CCDC90B: variants seen among roughly 807,000 people sequenced by gnomAD.
CCDC90B encodes coiled-coil domain-containing protein 90B, mitochondrial.
In CCDC90B, 24 loss-of-function variants were observed where a neutral mutation model predicts 37.0. The ratio of observed to expected loss-of-function variants is 0.65; its 90% CI spans 0.47 to 0.91. The LOEUF (loss-of-function observed/expected upper bound fraction) is 0.91, where lower values mean the gene tolerates loss of function less well. CCDC90B is among the 40% of genes least tolerant of loss of function. The pLI is 0.00. For synonymous variants in CCDC90B, 113 were observed against 101.1 expected (o/e 1.12, Z -0.71); for missense variants, 319 against 299.0 (o/e 1.07, Z -0.49).
chr11:83,283,508 A>G lies in CCDC90B; in HGVS notation c.100+2365T>C, dbSNP rs188050569. On this transcript the variant is annotated intron_variant, in intron 1 of 8. Coordinates refer to ENST00000529689, the MANE Select transcript of CCDC90B (RefSeq NM_021825.5). ...TATTTTGCTTAGTCCTCCCAATCCT[A>G]TGAGGTAGGTATTGACACCCACTGG... is the stretch of plus-strand genomic sequence containing the variant. Among the ~76,000 whole-genome samples, 364 of 152,292 alleles carry G rather than the reference A, an allele frequency of 2.4e-3. 6 individuals are homozygous for G. Among genetic ancestry groups the G allele is most frequent in the East Asian group, 1.2e-3 (6 of 5,192 alleles).
rs190519698 is a variant in CCDC90B, at chr11:83,286,266, C to T, written c.-294G>A. On this transcript the variant is annotated 5_prime_UTR_variant, in exon 1 of 9. Transcript: ENST00000529689. ...AGCGAGATCTTGTCAGAGAACCTTC[C>T]GGCGCCTGTTTCCTGGCAGTGGGGC... The T allele has an allele frequency of 9.0e-3, 12,504 of 1,394,328 alleles. 96 individuals are homozygous for T. The highest frequency in any genetic ancestry group is 0.01 in the Non-Finnish European group (10,567 of 1,030,854). The allele number at this position is 1,394,328 out of a possible 1,614,324, so 86.4% of individuals were successfully genotyped here.
chr11:83,278,854 A>AT lies in CCDC90B; in HGVS notation c.221-26dup, dbSNP rs554455408. On this transcript the variant is annotated intron_variant, in intron 2 of 8. Coordinates refer to ENST00000529689, the MANE Select transcript of CCDC90B (RefSeq NM_021825.5). ...CCTGTAGGCAGCAAATAGGTATTTTATTTTTTTTAAAGTGTATATCCTTAT... is the reference window on the plus strand; with the variant it reads ...CCTGTAGGCAGCAAATAGGTATTTTATTTTTTTTTAAAGTGTATATCCTTAT... 6.1e-4 allele frequency: 880 copies of AT among 1,441,842 alleles called. 5 individuals are homozygous for AT. In the African/African-American group the frequency reaches 9.0e-3, roughly 15 times the overall value. The allele number at this position is 1,441,842 out of a possible 1,614,324, so 89.3% of individuals were successfully genotyped here.
Position 83,260,091 on chromosome 11 carries a change from G to A in CCDC90B, c.*1820C>T, listed in dbSNP as rs550254826. On this transcript the variant is annotated 3_prime_UTR_variant, in exon 9 of 9. Transcript: ENST00000529689. Reference sequence around the variant, plus strand: ...TGGGCAAGTCACTTTACCTAGGGCAGAGTGGATAAGGGGATGAAGAGTGAC... The same window carrying A: ...TGGGCAAGTCACTTTACCTAGGGCAAAGTGGATAAGGGGATGAAGAGTGAC... 5.2e-5 allele frequency: 8 copies of A among 152,384 alleles called. 1 individual carries two copies. The highest frequency in any genetic ancestry group is 1.7e-4 in the African/African-American group (7 of 41,588). The allele number at this position is 152,384 out of a possible 1,614,324, so 9.4% of individuals were successfully genotyped here. A position where few individuals can be genotyped will look rare whatever the true frequency, so the allele number is the denominator to read the frequency against.
At chr11:83,264,325 A>ATTT (rs1864114447) in intron 8 of CCDC90B, among the ~76,000 whole-genome samples, 1 of 152,228 alleles carries the variant, frequency 6.6e-6, no homozygotes, top group Non-Finnish European at 1.5e-5. Flanking sequence ...GACTATAAAA[A>ATTT]ATACGTGATC....
chr11:83,269,397 T>C (rs1225552283), intron 7 of CCDC90B, among the ~76,000 whole-genome samples: 1 of 151,418 alleles, frequency 6.6e-6, no homozygotes, highest in Non-Finnish European at 1.5e-5. Flanking sequence ...ATCAACAAAA[T>C]TGATAGACCA....
chr11:83,265,799 T>C, intron 8 of CCDC90B, 66 bp downstream of exon 8: 1 of 1,006,018 alleles, frequency 9.9e-7, no homozygotes, highest in Non-Finnish European at 1.5e-6. Context: ...GCCTGCTCAG[T>C]TACCTTGATA....
At chr11:83,274,288 T>C (rs1180545701) in intron 4 of CCDC90B, 2 of 298,630 alleles carry the variant, frequency 6.7e-6, no homozygotes, top group African/African-American at 4.3e-5. Context: ...AGAAATATAC[T>C]TTTAAGTCAC....
At chr11:83,280,299 ATAGCTTACAAAGCTACTT>A (rs779237721) in intron 1 of CCDC90B, 39 bp from the exon 2 acceptor site, 15 of 1,576,658 alleles carry the variant, frequency 9.5e-6, no homozygotes, top group Non-Finnish European at 1.3e-5. Context: ...GTAGTAACTG[ATAGCTTACAAAGCTACTT>A]TAGCTTACAA....
At chr11:83,275,484 G>T (rs990737278) in intron 3 of CCDC90B, among the ~76,000 whole-genome samples, 2 of 151,026 alleles carry the variant, frequency 1.3e-5, no homozygotes, top group African/African-American at 4.9e-5. Flanking sequence ...TTTCAGATTT[G>T]GGATGCTCAA....
intron 7 of CCDC90B, chr11:83,267,395 A>ATT: frequency 6.6e-6 from 1 of 152,238 alleles, no homozygotes; most frequent in Non-Finnish European, 1.5e-5. Flanking sequence ...GGCTAACTAG[A>ATT]ATAAACAGTG....
intron 1 of CCDC90B, among the ~76,000 whole-genome samples, chr11:83,282,442 C>A (rs1865442331): frequency 6.6e-6 from 1 of 152,134 alleles, no homozygotes; most frequent in African/African-American, 2.4e-5. Flanking sequence ...AGTACAGTTC[C>A]TCTGACTTAG....
At position 83,280,157 on chromosome 11, in the gene CCDC90B, C is replaced by T; in HGVS notation, c.204G>A (p.Gln68=). The T allele has an allele frequency of 6.2e-7, 1 of 1,611,696 alleles. No individual in the cohort carries two copies. Among genetic ancestry groups the T allele is most frequent in the Non-Finnish European group, 8.5e-7 (1 of 1,179,628 alleles). Residue 68 remains glutamine (Q), a synonymous_variant, in exon 2 of 9, where the codon CAG becomes CAA. Transcript: ENST00000529689. ...KLTFDTHALV[Q]DLETHGFDKT... ...GTTTCTCACCATGAGTTTCCAAGTC[C>T]TGAACCAATGCATGGGTATCAAAAG...
At chr11:83,262,344 A>G (rs1863977770) in intron 8 of CCDC90B, among the ~76,000 whole-genome samples, 2 of 152,192 alleles carry the variant, frequency 1.3e-5, no homozygotes, top group Admixed American at 1.3e-4. Flanking sequence ...AAATATACAT[A>G]TATCTGTGAG....
chr11:83,283,854 T>C (rs1413835916), intron 1 of CCDC90B, among the ~76,000 whole-genome samples: 1 of 151,998 alleles, frequency 6.6e-6, no homozygotes, highest in Non-Finnish European at 1.5e-5. Flanking sequence ...CCCAGCTACT[T>C]GGGAGGCTGA....
At chr11:83,285,416 G>A (rs1215233518) in intron 1 of CCDC90B, 2 of 1,147,834 alleles carry the variant, frequency 1.7e-6, no homozygotes, top group Non-Finnish European at 2.2e-6. Flanking sequence ...GAATTCCAGT[G>A]AGAATAAGGC....
chr11:83,278,392 T>C (rs955674668), intron 3 of CCDC90B, among the ~76,000 whole-genome samples: 6 of 152,222 alleles, frequency 3.9e-5, no homozygotes. Flanking sequence ...ATACTGAATA[T>C]ATAGAAAGAT....
At chr11:83,271,616 C>A (rs564958666) in intron 7 of CCDC90B, among the ~76,000 whole-genome samples, 1 of 152,246 alleles carries the variant, frequency 6.6e-6, no homozygotes, top group South Asian at 2.1e-4. Context: ...CAGGAAACAA[C>A]AGATGCTGGA....
At chr11:83,282,117 A>C (rs1865417732) in intron 1 of CCDC90B, among the ~76,000 whole-genome samples, 1 of 152,176 alleles carries the variant, frequency 6.6e-6, no homozygotes, top group South Asian at 2.1e-4. Flanking sequence ...TCATGTAGAC[A>C]CCCAGATGGG....
intron 8 of CCDC90B, among the ~76,000 whole-genome samples, chr11:83,263,305 A>G (rs1400913474): frequency 6.6e-6 from 1 of 152,182 alleles, no homozygotes; most frequent in African/African-American, 2.4e-5. Context: ...AGAGTATACA[A>G]TCGTTACTGC....
Sources: gnomAD v4.1 joint callset for allele counts (sites outside exome capture counted in the v4.1 genomes callset) on GRCh38, gnomAD v4.1.1 for gene constraint, MANE v1.5 for transcripts, NCBI Gene and HGNC (gene_info 2026-07-23, HGNC 2026-07-21) for gene names.